ACYP2: variants seen among roughly 807,000 people sequenced by gnomAD.
ACYP2 encodes the protein acylphosphatase 2, also known as acylphosphatase-2.
A neutral mutation model predicts 11.2 loss-of-function variants in ACYP2; 12 were observed. The observed-to-expected ratio is 1.08, with a 90% CI of 0.69 to 1.74. ACYP2 has a LOEUF of 1.74. Among genes scored for constraint, ACYP2 ranks in the 40% most tolerant of loss-of-function variants. The probability of loss-of-function intolerance (pLI) is 0.00; values close to 1 mark genes in which losing one functional copy is unlikely to be tolerated. For synonymous variants in ACYP2, 43 were observed against 32.2 expected, an observed-to-expected ratio of 1.33 and a Z score of -1.13; for missense variants, 134 against 101.9, an observed-to-expected ratio of 1.31 and a Z score of -1.35.
chr2:54,229,376 T>A (rs532292406), intron 6 of ACYP2, among the ~76,000 whole-genome samples: 3 of 152,364 alleles, frequency 2.0e-5, no homozygotes, highest in African/African-American at 7.2e-5. Flanking sequence ...TTATGTAATA[T>A]ACTGATTGCA....
chr2:54,300,235 C>T (rs1689670539), intron 6 of ACYP2, among the ~76,000 whole-genome samples: 1 of 152,218 alleles, frequency 6.6e-6, no homozygotes, highest in Admixed American at 6.5e-5. Flanking sequence ...CACTCCTTTG[C>T]TCGAATCTTC....
At chr2:54,232,510 C>T (rs1484343707) in intron 6 of ACYP2, among the ~76,000 whole-genome samples, 1 of 152,128 alleles carries the variant, frequency 6.6e-6, no homozygotes, top group Non-Finnish European at 1.5e-5. Flanking sequence ...ACCCAAATCG[C>T]ATGGGCATCA....
At chr2:53,985,490 G>C (rs183846072) in intron 2 of ACYP2, among the ~76,000 whole-genome samples, 1 of 152,056 alleles carries the variant, frequency 6.6e-6, no homozygotes, top group Non-Finnish European at 1.5e-5. Context: ...ATGTGTGTAC[G>C]TATATACATA....
chr2:53,982,132 C>G (rs1294133953), intron 2 of ACYP2, among the ~76,000 whole-genome samples: 1 of 152,074 alleles, frequency 6.6e-6, no homozygotes, highest in Non-Finnish European at 1.5e-5. Flanking sequence ...AGAGGACGTA[C>G]ACTCTTTCCA....
intron 4 of ACYP2, chr2:54,065,769 T>C (rs1676712751): frequency 5.7e-6 from 2 of 351,398 alleles, no homozygotes; most frequent in East Asian, 4.2e-5. Context: ...CATTTTGCTT[T>C]CTATTTAAGA....
chr2:54,303,139 T>C (rs1196682690), intron 6 of ACYP2, among the ~76,000 whole-genome samples: 4 of 152,204 alleles, frequency 2.6e-5, no homozygotes. Context: ...GAGGATTGCT[T>C]GAGGCCAGGA....
At chr2:54,249,025 G>C (rs1428083296) in intron 6 of ACYP2, among the ~76,000 whole-genome samples, 3 of 152,104 alleles carry the variant, frequency 2.0e-5, no homozygotes, top group Non-Finnish European at 2.9e-5. Flanking sequence ...AGTTCCATGT[G>C]AGTGGACTCT....
chr2:54,241,771 G>T (rs1037796968), intron 6 of ACYP2, among the ~76,000 whole-genome samples: 1 of 152,222 alleles, frequency 6.6e-6, no homozygotes, highest in African/African-American at 2.4e-5. Flanking sequence ...CCAGCACTTT[G>T]GGAGGCCAAG....
intron 2 of ACYP2, among the ~76,000 whole-genome samples, chr2:53,990,388 C>A (rs752704306): frequency 6.6e-6 from 1 of 152,000 alleles, no homozygotes; most frequent in Non-Finnish European, 1.5e-5. Flanking sequence ...GTGGCTCATG[C>A]CTGTAATCCC....
chr2:54,048,877 G>T (rs1675670816), intron 2 of ACYP2, among the ~76,000 whole-genome samples: 1 of 152,162 alleles, frequency 6.6e-6, no homozygotes, highest in Non-Finnish European at 1.5e-5. Context: ...ACCAGGCAAG[G>T]GTAGGTGCAC....
chr2:54,113,245 T>C (rs1005502512), intron 4 of ACYP2, among the ~76,000 whole-genome samples: 1 of 151,818 alleles, frequency 6.6e-6, no homozygotes, highest in Non-Finnish European at 1.5e-5. Context: ...GATGACTTTT[T>C]TTTTTTTTTT....
intron 4 of ACYP2, among the ~76,000 whole-genome samples, chr2:54,093,208 A>G (rs566423273): frequency 2.0e-5 from 3 of 152,338 alleles, no homozygotes; most frequent in Non-Finnish European, 2.9e-5. Flanking sequence ...CCCCCTTCAC[A>G]GGAGGAAGTC....
intron 2 of ACYP2, among the ~76,000 whole-genome samples, chr2:54,035,386 CT>C (rs559213692): frequency 0.018 from 2,723 of 151,636 alleles, 37 homozygotes; most frequent in Non-Finnish European, 0.03. Context: ...CTGTCTCAGC[CT>C]TCCGAGTAGC....
chr2:54,198,039 A>ATTGTATTGTATTGTATTGT (rs1572920883), intron 6 of ACYP2, among the ~76,000 whole-genome samples: 1 of 148,180 alleles, frequency 6.7e-6, no homozygotes, highest in East Asian at 2.0e-4. Flanking sequence ...ATTGTATTTT[A>ATTGTATTGTATTGTATTGT]AGACAGTTTC....
intron 6 of ACYP2, among the ~76,000 whole-genome samples, chr2:54,232,710 A>T (rs1686290568): frequency 6.6e-6 from 1 of 152,180 alleles, no homozygotes; most frequent in Non-Finnish European, 1.5e-5. Context: ...ATCATGGCAG[A>T]AGGCAAAGGG....
chr2:54,105,687 T>C (rs1679119690), intron 4 of ACYP2, among the ~76,000 whole-genome samples: 2 of 151,758 alleles, frequency 1.3e-5, no homozygotes, highest in Non-Finnish European at 2.9e-5. Flanking sequence ...TGGAGAAGGG[T>C]TTTGCCATGT....
chr2:54,105,789 T>C (rs777425882), intron 4 of ACYP2, among the ~76,000 whole-genome samples: 4 of 152,148 alleles, frequency 2.6e-5, no homozygotes, highest in South Asian at 2.1e-4. Flanking sequence ...CCATTGCGCC[T>C]GGACCCTATT....
At chr2:54,078,416 A>ATATATG (rs1558512858) in intron 4 of ACYP2, among the ~76,000 whole-genome samples, 1 of 121,574 alleles carries the variant, frequency 8.2e-6, no homozygotes, top group Non-Finnish European at 1.8e-5. Flanking sequence ...CGTACCATAT[A>ATATATG]TGGTACGCAT....
rs539047699 is a variant in ACYP2, at chr2:54,293,756, G to A, written c.405-10932G>A. 2.6e-4 allele frequency among the ~76,000 whole-genome samples: 40 copies of A among 152,232 alleles called. No homozygotes were observed. In the South Asian group the frequency reaches 8.3e-3, roughly 32 times the overall value. ...TCCTTTTAAAAATGAGGAATCTTAG[G>A]TCTTAGGTTAATTATGGATGCTCTA... On this transcript the variant is annotated intron_variant, in intron 6 of 6. Transcript: ENST00000607452.
Sources: gnomAD v4.1 joint callset for allele counts (sites outside exome capture counted in the v4.1 genomes callset) on GRCh38, gnomAD v4.1.1 for gene constraint, MANE v1.5 for transcripts, NCBI Gene and HGNC (gene_info 2026-07-23, HGNC 2026-07-21) for gene names.